LOC400499: variants seen among roughly 807,000 people sequenced by gnomAD.
the LOC400499 span, chr16:11,478,042 G>C: frequency 2.5e-6 from 1 of 396,760 alleles, no homozygotes; most frequent in Non-Finnish European, 4.5e-6. Flanking sequence ...GCCGGGCTCG[G>C]TGGCTCACGC....
chr16:11,521,570 A>G, the LOC400499 span, among the ~76,000 whole-genome samples: 1 of 152,130 alleles, frequency 6.6e-6, no homozygotes, highest in Non-Finnish European at 1.5e-5. Context: ...CACCCAGTCT[A>G]TTCCTTTGTC....
the LOC400499 span, chr16:11,442,348 G>C: frequency 6.6e-6 from 1 of 152,296 alleles, no homozygotes; most frequent in African/African-American, 2.4e-5. Context: ...AGCCTCCTGA[G>C]TAACTGGGAT....
At chr16:11,473,151 T>C in the LOC400499 span, 1 of 137,522 alleles carries the variant, frequency 7.3e-6, no homozygotes, top group East Asian at 2.1e-4. Flanking sequence ...AAAATAAAAA[T>C]GTACTTGTTG....
At chr16:11,482,259 G>T in the LOC400499 span, among the ~76,000 whole-genome samples, 6 of 152,302 alleles carry the variant, frequency 3.9e-5, no homozygotes, top group East Asian at 9.6e-4. Flanking sequence ...CAAGGAGGGG[G>T]AATGGAGGCT....
chr16:11,525,227 C>T, the LOC400499 span, among the ~76,000 whole-genome samples: 1 of 150,450 alleles, frequency 6.6e-6, no homozygotes, highest in Non-Finnish European at 1.5e-5. Context: ...TGCAGTGAGC[C>T]GAGATCGCAC....
the LOC400499 span, among the ~76,000 whole-genome samples, chr16:11,410,929 T>G: frequency 1.5e-3 from 228 of 152,342 alleles, 1 homozygote; most frequent in African/African-American, 5.3e-3. Flanking sequence ...GGCTGTGTCA[T>G]CTGCTCCAGC....
the LOC400499 span, among the ~76,000 whole-genome samples, chr16:11,500,509 C>CT: frequency 4.0e-5 from 2 of 50,588 alleles, no homozygotes; most frequent in Non-Finnish European, 8.8e-5. Flanking sequence ...AGACTCCGTC[C>CT]TAAATAATAA....
chr16:11,379,944 G>GTTGTTGATATCACAAAGTA, the LOC400499 span, among the ~76,000 whole-genome samples: 1 of 152,064 alleles, frequency 6.6e-6, no homozygotes, highest in African/African-American at 2.4e-5. Flanking sequence ...CCCCTCCTAT[G>GTTGTTGATATCACAAAGTA]TTGTTGATAT....
At chr16:11,517,526 G>A in the LOC400499 span, among the ~76,000 whole-genome samples, 11 of 152,130 alleles carry the variant, frequency 7.2e-5, no homozygotes, top group African/African-American at 2.2e-4. Flanking sequence ...TGTTTTGCTC[G>A]GGGCTCCAGC....
the LOC400499 span, among the ~76,000 whole-genome samples, chr16:11,375,910 G>A: frequency 1.3e-5 from 2 of 151,982 alleles, no homozygotes; most frequent in Admixed American, 6.6e-5. Flanking sequence ...TGTATTTTTA[G>A]TAGAGACGGG....
At chr16:11,510,746 T>C in the LOC400499 span, among the ~76,000 whole-genome samples, 1 of 151,524 alleles carries the variant, frequency 6.6e-6, no homozygotes, top group Non-Finnish European at 1.5e-5. Flanking sequence ...AACACACTCC[T>C]GATGACCTGC....
the LOC400499 span, among the ~76,000 whole-genome samples, chr16:11,421,060 G>A: frequency 6.6e-5 from 10 of 152,212 alleles, no homozygotes; most frequent in Non-Finnish European, 1.3e-4. Context: ...ACCCAGGCCT[G>A]CCTGCTAGGC....
At chr16:11,522,342 G>T in the LOC400499 span, among the ~76,000 whole-genome samples, 2 of 152,160 alleles carry the variant, frequency 1.3e-5, no homozygotes, top group Admixed American at 6.5e-5. Context: ...GTGTCATCAT[G>T]GGCCAGGCTT....
At chr16:11,491,067 A>G in the LOC400499 span, among the ~76,000 whole-genome samples, 34,956 of 152,128 alleles carry the variant, frequency 0.23, 4,118 homozygotes, top group East Asian at 0.31. Context: ...ACAACACTCT[A>G]TGAGGGAGGT....
At chr16:11,482,864 C>T in the LOC400499 span, among the ~76,000 whole-genome samples, 1 of 151,026 alleles carries the variant, frequency 6.6e-6, no homozygotes. Context: ...TGCACTCCAG[C>T]CTGCATGACA....
chr16:11,390,128 C>T, the LOC400499 span: 4 of 1,232,256 alleles, frequency 3.2e-6, no homozygotes, highest in Admixed American at 4.2e-5. Context: ...TGTACAGGTC[C>T]AGCAGTGGTT....
At chr16:11,488,727 C>A in the LOC400499 span, 1 of 398,934 alleles carries the variant, frequency 2.5e-6, no homozygotes, top group South Asian at 1.3e-4. Context: ...AAGGTGACAT[C>A]AGAATAGGAC....
chr16:11,467,427 T>G, the LOC400499 span, among the ~76,000 whole-genome samples: 1 of 150,526 alleles, frequency 6.6e-6, no homozygotes, highest in Non-Finnish European at 1.5e-5. Flanking sequence ...CTGGGCAACA[T>G]AGTGAGACCC....
chr16:11,416,004 G>A, the LOC400499 span, among the ~76,000 whole-genome samples: 2 of 150,828 alleles, frequency 1.3e-5, no homozygotes, highest in Non-Finnish European at 1.5e-5. Flanking sequence ...GGCCCAGGCT[G>A]GAGTGCTGTG....
Sources: gnomAD v4.1 joint callset for allele counts (sites outside exome capture counted in the v4.1 genomes callset) on GRCh38, gnomAD v4.1.1 for gene constraint, MANE v1.5 for transcripts.